The following CLVS1 variants were observed in gnomAD, a reference collection of about 807,000 sequenced individuals.
CLVS1 encodes clavesin-1.
A neutral mutation model predicts 33.1 loss-of-function variants in CLVS1; 10 were observed. The ratio of observed to expected loss-of-function variants is 0.30; its 90% CI spans 0.19 to 0.51. The LOEUF is 0.51. Among genes scored for constraint, CLVS1 ranks in the 20% least tolerant of loss-of-function variants. The pLI is 0.97. For missense variants in CLVS1, 343 were observed against 433.4 expected (o/e 0.79, Z 1.85); for synonymous variants, 163 against 166.1 (o/e 0.98, Z 0.14).
chr8:61,059,475 C>CATACATACATATAT (rs59538219), intron 1 of CLVS1, among the ~76,000 whole-genome samples: 7 of 50,194 alleles, frequency 1.4e-4, no homozygotes, highest in Admixed American at 6.1e-4. Flanking sequence ...TACATACATA[C>CATACATACATATAT]ATATATATAT....
intron 2 of CLVS1, among the ~76,000 whole-genome samples, chr8:61,167,906 A>G (rs1806913301): frequency 6.6e-6 from 1 of 152,228 alleles, no homozygotes; most frequent in East Asian, 1.9e-4. Flanking sequence ...AAGGGGAGAC[A>G]TGAATAATCC....
At chr8:61,138,659 C>A (rs1250048768) in intron 2 of CLVS1, among the ~76,000 whole-genome samples, 10 of 151,732 alleles carry the variant, frequency 6.6e-5, no homozygotes, top group Non-Finnish European at 1.3e-4. Context: ...TCCAGTGGGT[C>A]CCCAGGAGTC....
intron 1 of CLVS1, among the ~76,000 whole-genome samples, chr8:61,293,672 A>G (rs892853186): frequency 6.6e-6 from 1 of 152,200 alleles, no homozygotes; most frequent in African/African-American, 2.4e-5. Flanking sequence ...TTCATATTCA[A>G]TTTAAAAATT....
chr8:60,972,123 G>C, the CLVS1 span, among the ~76,000 whole-genome samples: 2 of 152,022 alleles, frequency 1.3e-5, no homozygotes. Flanking sequence ...CTCTGTCTTT[G>C]TAACTGTCTT....
At chr8:61,111,261 CA>C (rs1481241874) in intron 1 of CLVS1, among the ~76,000 whole-genome samples, 1 of 152,052 alleles carries the variant, frequency 6.6e-6, no homozygotes, top group African/African-American at 2.4e-5. Flanking sequence ...CATAAAAAAT[CA>C]AACTATTTTA....
chr8:61,305,627 GT>G (rs907138810), intron 2 of CLVS1, among the ~76,000 whole-genome samples: 5 of 151,908 alleles, frequency 3.3e-5, no homozygotes, highest in South Asian at 2.1e-4. Flanking sequence ...GTGTCATGGG[GT>G]TTTTTTTGTA....
At chr8:61,305,791 G>A (rs1425658327) in intron 2 of CLVS1, among the ~76,000 whole-genome samples, 2 of 152,138 alleles carry the variant, frequency 1.3e-5, no homozygotes, top group African/African-American at 2.4e-5. Context: ...TCTCACTTAT[G>A]AGTGAGGAAA....
intron 2 of CLVS1, among the ~76,000 whole-genome samples, chr8:61,245,118 G>A (rs927598759): frequency 2.6e-5 from 4 of 151,936 alleles, no homozygotes; most frequent in Admixed American, 6.6e-5. Context: ...CAGTTATACT[G>A]GCTTCCTTTT....
chr8:61,452,887 C>T (rs1817012140), intron 3 of CLVS1, among the ~76,000 whole-genome samples: 1 of 152,118 alleles, frequency 6.6e-6, no homozygotes, highest in South Asian at 2.1e-4. Flanking sequence ...TGTACTCACA[C>T]TGGAAACTAG....
At chr8:61,079,672 T>C (rs1804986556) in intron 1 of CLVS1, among the ~76,000 whole-genome samples, 1 of 152,208 alleles carries the variant, frequency 6.6e-6, no homozygotes, top group Admixed American at 6.5e-5. Context: ...GCTGTTTATT[T>C]GTTTGAGTTA....
Position 61,107,085 on chromosome 8 carries a change from A to T in CLVS1, c.-242-24685A>T, listed in dbSNP as rs193104018. Among the ~76,000 whole-genome samples the T allele has an allele frequency of 3.2e-4, 48 of 152,302 alleles. 1 individual carries two copies. Among genetic ancestry groups the T allele is most frequent in the Admixed American group, 2.4e-3 (36 of 15,296 alleles). ...TAAATGATCCTGATGGATTTTAGAC[A>T]CTTCCATTCATTTTATGTCCTCATT... On this transcript the variant is annotated intron_variant, in intron 1 of 2. Transcript: ENST00000522621.
At chr8:61,216,439 A>G (rs1440838065) in intron 2 of CLVS1, among the ~76,000 whole-genome samples, 2 of 152,122 alleles carry the variant, frequency 1.3e-5, no homozygotes, top group African/African-American at 2.4e-5. Flanking sequence ...CCTTGCTAGT[A>G]TTTGTCTTTC....
chr8:61,299,843 C>T lies in CLVS1; in HGVS notation c.16C>T (p.Leu6Phe). 1 of 1,610,774 alleles carries T rather than the reference C, an allele frequency of 6.2e-7. No homozygotes were observed. The highest frequency in any genetic ancestry group is 8.5e-7 in the Non-Finnish European group (1 of 1,178,124). The change falls in exon 2 of 6, where the codon CTT becomes TTT. Residue 6 changes from leucine to phenylalanine, a missense_variant. This residue lies in a region of CLVS1 where 88 missense variants were observed against 77.3 expected (regional missense o/e 1.14). Coordinates refer to ENST00000325897, the MANE Select transcript of CLVS1 (RefSeq NM_173519.3). MGPVS[L>F]LPKYQKLNTW... ...CATCAGGTGAATGGGACCAGTCTCT[C>T]TTCTTCCAAAATATCAGAAGTTAAA...
chr8:61,334,928 C>G (rs1356714483), intron 2 of CLVS1, among the ~76,000 whole-genome samples: 3 of 152,198 alleles, frequency 2.0e-5, no homozygotes, highest in Non-Finnish European at 2.9e-5. Flanking sequence ...TCAAATCAGT[C>G]TCTCTGAGCA....
intron 1 of CLVS1, among the ~76,000 whole-genome samples, chr8:61,117,479 G>T (rs1373029554): frequency 6.6e-6 from 1 of 151,546 alleles, no homozygotes; most frequent in Non-Finnish European, 1.5e-5. Flanking sequence ...TCCAGTTTTT[G>T]CCCATTCAGT....
intron 5 of CLVS1, among the ~76,000 whole-genome samples, chr8:61,498,111 T>A (rs1804331828): frequency 6.6e-6 from 1 of 152,214 alleles, no homozygotes; most frequent in African/African-American, 2.4e-5. Context: ...TCAGCAGGCT[T>A]TAGCCTTATT....
intron 1 of CLVS1, among the ~76,000 whole-genome samples, chr8:61,105,900 A>G (rs1805527806): frequency 6.6e-6 from 1 of 152,100 alleles, no homozygotes; most frequent in Non-Finnish European, 1.5e-5. Context: ...CAACCGCTCC[A>G]GTTTTAGTTG....
the CLVS1 span, among the ~76,000 whole-genome samples, chr8:61,040,494 C>A: frequency 1.7e-4 from 26 of 152,182 alleles, no homozygotes; most frequent in Non-Finnish European, 3.5e-4. Context: ...GTATTGCCAG[C>A]CTCTGTTATT....
chr8:61,352,152 G>A (rs1419977838), intron 2 of CLVS1, among the ~76,000 whole-genome samples: 1 of 151,944 alleles, frequency 6.6e-6, no homozygotes, highest in Non-Finnish European at 1.5e-5. Context: ...GACTTTAATG[G>A]TAATGAAGCT....
Sources: allele counts gnomAD v4.1 joint callset (sites outside exome capture counted in the v4.1 genomes callset), GRCh38; gene constraint gnomAD v4.1.1; regional missense constraint gnomAD v4.1.1; transcripts MANE v1.5; gene names NCBI Gene and HGNC (gene_info 2026-07-23, HGNC 2026-07-21).